The following GSG1L variants were observed in gnomAD, a reference collection of about 807,000 sequenced individuals.
GSG1L encodes GSG1 like, also known as germ cell-specific gene 1-like protein.
Under a neutral mutation model 42.1 loss-of-function variants are expected in GSG1L, and 24 were observed. That is an observed-to-expected ratio of 0.57 (90% confidence interval 0.41 to 0.80). GSG1L has a LOEUF of 0.80. GSG1L is among the 30% of genes least tolerant of loss of function. The probability of loss-of-function intolerance (pLI) is 0.00; values close to 1 mark genes in which losing one functional copy is unlikely to be tolerated. For missense variants in GSG1L, 445 were observed against 472.2 expected, an observed-to-expected ratio of 0.94 and a Z score of 0.53; for synonymous variants, 215 against 203.5, an observed-to-expected ratio of 1.06 and a Z score of -0.48.
intron 1 of GSG1L, among the ~76,000 whole-genome samples, chr16:27,979,741 G>GA: frequency 2.1e-5 from 1 of 47,886 alleles, no homozygotes. Flanking sequence ...GAAAAAGAAA[G>GA]AAAGAAAGGA....
At chr16:27,995,134 T>G (rs1431050164) in intron 1 of GSG1L, among the ~76,000 whole-genome samples, 1 of 152,116 alleles carries the variant, frequency 6.6e-6, no homozygotes, top group Non-Finnish European at 1.5e-5. Flanking sequence ...TCGAGAAGAA[T>G]GGGAGAAACA....
intron 1 of GSG1L, among the ~76,000 whole-genome samples, chr16:28,042,555 A>G (rs1011594894): frequency 6.6e-6 from 1 of 152,304 alleles, no homozygotes; most frequent in Admixed American, 6.5e-5. Flanking sequence ...TTCCATTGCA[A>G]CCAGGTGAAA....
chr16:27,834,483 GA>G lies in GSG1L; in HGVS notation c.663-5528del, dbSNP rs35119436. On this transcript the variant is annotated intron_variant, in intron 4 of 6. Transcript: ENST00000447459. ...AGTTTTCTCTCCTCTTCTATTTTCTGAAAAAAAAAAAGTGCTAATTCTTATT... is the reference window on the plus strand; with the variant it reads ...AGTTTTCTCTCCTCTTCTATTTTCTGAAAAAAAAAAGTGCTAATTCTTATT... 2.0e-3 allele frequency among the ~76,000 whole-genome samples: 296 copies of G among 146,042 alleles called. 2 individuals are homozygous for G. The highest frequency in any genetic ancestry group is 3.2e-3 in the African/African-American group (125 of 39,680).
chr16:27,967,436 T>C (rs1669463218), intron 1 of GSG1L, among the ~76,000 whole-genome samples: 1 of 152,218 alleles, frequency 6.6e-6, no homozygotes, highest in Admixed American at 6.5e-5. Context: ...GGTTCCAGCA[T>C]TCTGGCTTCC....
chr16:27,915,343 A>G (rs2084441777), intron 2 of GSG1L, among the ~76,000 whole-genome samples: 1 of 152,150 alleles, frequency 6.6e-6, no homozygotes, highest in African/African-American at 2.4e-5. Context: ...CCAGACTTTC[A>G]TTTTGGTTAC....
chr16:28,053,496 G>A (rs2086242076), intron 1 of GSG1L, among the ~76,000 whole-genome samples: 1 of 152,168 alleles, frequency 6.6e-6, no homozygotes, highest in African/African-American at 2.4e-5. Flanking sequence ...TCAGATGAGG[G>A]AGGGTCTGGT....
intron 3 of GSG1L, among the ~76,000 whole-genome samples, chr16:27,882,636 C>T (rs116584898): frequency 6.6e-6 from 1 of 152,172 alleles, no homozygotes; most frequent in Non-Finnish European, 1.5e-5. Flanking sequence ...GTCCACCAAG[C>T]AGACTCTTAC....
intron 1 of GSG1L, among the ~76,000 whole-genome samples, chr16:28,021,791 C>T (rs1176299379): frequency 1.3e-5 from 2 of 152,120 alleles, no homozygotes; most frequent in East Asian, 1.9e-4. Context: ...AAAAATACTA[C>T]ATAGCAGAGC....
intron 5 of GSG1L, among the ~76,000 whole-genome samples, chr16:27,822,658 A>AG (rs2083162833): frequency 6.6e-6 from 1 of 152,054 alleles, no homozygotes; most frequent in African/African-American, 2.4e-5. Context: ...GACTTAAGTG[A>AG]TCTGCCTGCA....
In GSG1L at chr16:27,804,620, A is replaced by C. The variant is rs187421128; in HGVS notation, c.898+2867T>G. Among the ~76,000 whole-genome samples the C allele has an allele frequency of 5.1e-3, 760 of 150,372 alleles. 9 individuals are homozygous for C. Among genetic ancestry groups the C allele is most frequent in the Non-Finnish European group, 7.8e-3 (530 of 67,684 alleles). ...GCAGATGCTCAATAAACACTCACCA[A>C]GGAATGAAAGATGAAATCGTTCAGA... On this transcript the variant is annotated intron_variant, in intron 6 of 6. Coordinates refer to ENST00000447459, the MANE Select transcript of GSG1L (RefSeq NM_001109763.2).
chr16:27,986,909 A>G (rs2085391337), intron 1 of GSG1L, among the ~76,000 whole-genome samples: 1 of 152,252 alleles, frequency 6.6e-6, no homozygotes, highest in Non-Finnish European at 1.5e-5. Flanking sequence ...ATTAGAAGCT[A>G]ACCATCTAAA....
chr16:27,940,856 T>TAATAAAATAA (rs373411759), intron 2 of GSG1L, among the ~76,000 whole-genome samples: 12 of 149,782 alleles, frequency 8.0e-5, no homozygotes, highest in Non-Finnish European at 1.6e-4. Flanking sequence ...AGTATAATAA[T>TAATAAAATAA]AATAAAATAA....
intron 2 of GSG1L, among the ~76,000 whole-genome samples, chr16:27,901,657 G>C (rs1303011656): frequency 6.6e-6 from 1 of 152,206 alleles, no homozygotes; most frequent in Non-Finnish European, 1.5e-5. Flanking sequence ...AGTGCCCCAG[G>C]TCGTTCAGAT....
chr16:27,958,120 C>T lies in GSG1L; in HGVS notation c.397+5036G>A, dbSNP rs140172185. Among the ~76,000 whole-genome samples, 861 of 152,118 alleles carry T rather than the reference C, an allele frequency of 5.7e-3. 5 individuals carry two copies. The highest frequency in any genetic ancestry group is 9.0e-3 in the Non-Finnish European group (613 of 67,960). ...ACACACATTCAAACTATATCAGTCA[C>T]AGGCCAGGCACGGTGGCTCACTCCT... On this transcript the variant is annotated intron_variant, in intron 2 of 6. Coordinates refer to ENST00000447459, the MANE Select transcript of GSG1L (RefSeq NM_001109763.2).
chr16:28,022,484 T>TTC (rs202107276), intron 1 of GSG1L, among the ~76,000 whole-genome samples: 1,848 of 151,384 alleles, frequency 0.012, 48 homozygotes, highest in African/African-American at 0.043. Flanking sequence ...AGCTAATTTT[T>TTC]TTTTTTTTTT....
At chr16:27,844,534 C>T (rs13331040) in intron 4 of GSG1L, among the ~76,000 whole-genome samples, 40,024 of 152,108 alleles carry the variant, frequency 0.26, 5,732 homozygotes, top group Middle Eastern at 0.32. Context: ...CACCACCGCC[C>T]AGTGCTGCCA....
intron 2 of GSG1L, among the ~76,000 whole-genome samples, chr16:27,886,310 T>A (rs2084028449): frequency 2.0e-5 from 3 of 152,058 alleles, no homozygotes. Flanking sequence ...CGTGGTGGCA[T>A]GCACCTGTAA....
chr16:28,044,127 A>G (rs1272521424), intron 1 of GSG1L, among the ~76,000 whole-genome samples: 2 of 152,128 alleles, frequency 1.3e-5, no homozygotes, highest in Non-Finnish European at 2.9e-5. Context: ...TAAAAACCCA[A>G]CATTTTTGGG....
At chr16:27,862,636 T>G (rs1224545303) in intron 3 of GSG1L, among the ~76,000 whole-genome samples, 1 of 152,188 alleles carries the variant, frequency 6.6e-6, no homozygotes, top group African/African-American at 2.4e-5. Context: ...GGCTGGCTGG[T>G]TCCCTCCTGA....
Sources: gnomAD v4.1 joint callset for allele counts (sites outside exome capture counted in the v4.1 genomes callset) on GRCh38, gnomAD v4.1.1 for gene constraint, MANE v1.5 for transcripts, NCBI Gene and HGNC (gene_info 2026-07-23, HGNC 2026-07-21) for gene names.